Variants in ROBO2 observed in about 807,000 individuals in gnomAD.
ROBO2 encodes the protein roundabout homolog 2.
ROBO2 carries 53 observed loss-of-function variants against 160.8 expected under a neutral mutation model. The observed-to-expected ratio is 0.33, with a 90% CI of 0.26 to 0.41. The LOEUF is 0.41. Ranked by LOEUF, ROBO2 falls within the 10% of genes least tolerant of loss-of-function variation. ROBO2 has a pLI of 1.00. For missense variants in ROBO2, 1,577 were observed against 1,722.4 expected, an observed-to-expected ratio of 0.92 and a Z score of 1.49; for synonymous variants, 664 against 611.7, an observed-to-expected ratio of 1.09 and a Z score of -1.26.
chr3:76,085,843 T>C (rs1366636345), intron 2 of ROBO2, among the ~76,000 whole-genome samples: 1 of 152,166 alleles, frequency 6.6e-6, no homozygotes, highest in Admixed American at 6.5e-5. Flanking sequence ...CCCCACACTT[T>C]TGTGCATTTG....
In ROBO2 at chr3:77,262,951, T is replaced by C. The variant is rs555575467; in HGVS notation, c.388+164611T>C. On this transcript the variant is annotated intron_variant, in intron 2 of 25. Coordinates refer to ENST00000461745, the Ensembl canonical transcript of ROBO2. Reference sequence around the variant, plus strand: ...AAACTAAATGCCACTCTAAATACTTTAATTCATAAAATTCTCACAACAGTT... The same window carrying C: ...AAACTAAATGCCACTCTAAATACTTCAATTCATAAAATTCTCACAACAGTT... Among the ~76,000 whole-genome samples, 130 of 152,306 alleles carry C rather than the reference T, an allele frequency of 8.5e-4. 1 individual carries two copies. The highest frequency in any genetic ancestry group is 3.0e-3 in the African/African-American group (125 of 41,576).
intron 2 of ROBO2, among the ~76,000 whole-genome samples, chr3:76,616,353 C>T (rs1208088745): frequency 6.6e-6 from 1 of 152,150 alleles, no homozygotes; most frequent in Non-Finnish European, 1.5e-5. Context: ...AGATAGAAGT[C>T]ATTGAGTGTT....
chr3:76,795,513 C>T (rs192835070), intron 2 of ROBO2, among the ~76,000 whole-genome samples: 1 of 152,256 alleles, frequency 6.6e-6, no homozygotes, highest in Non-Finnish European at 1.5e-5. Context: ...AAACCACTCT[C>T]TTTGCTCATC....
intron 23 of ROBO2, chr3:77,632,502 A>G: frequency 6.5e-7 from 1 of 1,535,178 alleles, no homozygotes; most frequent in Non-Finnish European, 8.7e-7. Context: ...GGGGCTCTGC[A>G]TCTGATGAGG....
intron 2 of ROBO2, among the ~76,000 whole-genome samples, chr3:76,773,332 T>G (rs185001534): frequency 6.6e-6 from 1 of 151,008 alleles, no homozygotes; most frequent in Non-Finnish European, 1.5e-5. Flanking sequence ...TGAAGGATTT[T>G]TTTCTTGAAA....
chr3:76,956,408 T>G (rs1218186081), intron 2 of ROBO2, among the ~76,000 whole-genome samples: 1 of 151,814 alleles, frequency 6.6e-6, no homozygotes, highest in Non-Finnish European at 1.5e-5. Flanking sequence ...ATACAAAAAA[T>G]TAGCCGGGTG....
intron 2 of ROBO2, among the ~76,000 whole-genome samples, chr3:77,123,480 T>C (rs2074984264): frequency 6.6e-6 from 1 of 152,250 alleles, no homozygotes; most frequent in South Asian, 2.1e-4. Context: ...AAGTATTTTG[T>C]TCATTTATTT....
At chr3:77,415,866 G>A (rs2077174771) in intron 2 of ROBO2, among the ~76,000 whole-genome samples, 1 of 152,164 alleles carries the variant, frequency 6.6e-6, no homozygotes, top group African/African-American at 2.4e-5. Flanking sequence ...GCAAACAGGA[G>A]GGCATATTAC....
intron 2 of ROBO2, among the ~76,000 whole-genome samples, chr3:76,103,919 A>G (rs1415866382): frequency 6.6e-6 from 1 of 152,186 alleles, no homozygotes; most frequent in Non-Finnish European, 1.5e-5. Flanking sequence ...GCCCCAGTGA[A>G]CATAAAAAAC....
intron 1 of ROBO2, among the ~76,000 whole-genome samples, chr3:75,934,209 C>T (rs903729277): frequency 2.0e-5 from 3 of 152,152 alleles, no homozygotes; most frequent in Non-Finnish European, 4.4e-5. Context: ...TAAGTTTTAC[C>T]TCTCTGTTCA....
chr3:77,023,647 T>C (rs950647886), intron 2 of ROBO2, among the ~76,000 whole-genome samples: 1 of 152,216 alleles, frequency 6.6e-6, no homozygotes, highest in Non-Finnish European at 1.5e-5. Context: ...GCTAAAAGGA[T>C]ATAGTCTTGT....
intron 2 of ROBO2, among the ~76,000 whole-genome samples, chr3:77,436,224 G>A (rs768034843): frequency 7.9e-5 from 12 of 151,460 alleles, no homozygotes; most frequent in Non-Finnish European, 1.2e-4. Flanking sequence ...TGGAAGAAAT[G>A]TTTTCTGGCA....
rs4597687 is a variant in ROBO2, at chr3:77,409,390, A to T, written c.389-68024A>T. 1.4e-4 allele frequency among the ~76,000 whole-genome samples: 22 copies of T among 152,136 alleles called. No individual in the cohort carries two copies. The South Asian group carries it at 4.6e-3, about 32-fold the overall frequency. ...TTCTATAGGCTTTAAAATTAAATCAAACTCTAGGTAGCATTGTTTGGGTTA... is the reference window on the plus strand; with the variant it reads ...TTCTATAGGCTTTAAAATTAAATCATACTCTAGGTAGCATTGTTTGGGTTA... On this transcript the variant is annotated intron_variant, in intron 2 of 25. Coordinates refer to ENST00000461745, the Ensembl canonical transcript of ROBO2.
intron 2 of ROBO2, among the ~76,000 whole-genome samples, chr3:76,392,445 A>T (rs2077201414): frequency 6.6e-6 from 1 of 152,178 alleles, no homozygotes; most frequent in South Asian, 2.1e-4. Flanking sequence ...ATAACGTCAC[A>T]TATAAATTCC....
intron 2 of ROBO2, among the ~76,000 whole-genome samples, chr3:75,995,448 T>G (rs2065698287): frequency 6.6e-6 from 1 of 152,162 alleles, no homozygotes; most frequent in African/African-American, 2.4e-5. Context: ...GTTAAAAAAC[T>G]GAGGTTTGGG....
intron 2 of ROBO2, among the ~76,000 whole-genome samples, chr3:76,432,885 AT>A (rs2076500427): frequency 1.3e-5 from 2 of 151,224 alleles, no homozygotes; most frequent in South Asian, 4.2e-4. Context: ...AGAGGGAGGA[AT>A]GAAGGAAAAA....
At chr3:77,083,062 T>C (rs2068850366) in intron 1 of ROBO2, among the ~76,000 whole-genome samples, 1 of 152,048 alleles carries the variant, frequency 6.6e-6, no homozygotes, top group Non-Finnish European at 1.5e-5. Context: ...CTCGATGAAA[T>C]AGAGAACTCT....
intron 2 of ROBO2, among the ~76,000 whole-genome samples, chr3:77,389,654 C>T (rs559323147): frequency 6.6e-6 from 1 of 150,954 alleles, no homozygotes; most frequent in South Asian, 2.1e-4. Flanking sequence ...TTCCCTTTTT[C>T]CTTCCTCCCT....
intron 2 of ROBO2, among the ~76,000 whole-genome samples, chr3:76,755,735 A>G (rs1392166111): frequency 6.6e-6 from 1 of 151,888 alleles, no homozygotes; most frequent in Non-Finnish European, 1.5e-5. Context: ...AAATACATTA[A>G]TCAGTGACTT....
Sources: allele counts gnomAD v4.1 joint callset (sites outside exome capture counted in the v4.1 genomes callset), GRCh38; gene constraint gnomAD v4.1.1; transcripts MANE v1.5; gene names NCBI Gene and HGNC (gene_info 2026-07-23, HGNC 2026-07-21).